HS6ST3: variants seen among roughly 807,000 people sequenced by gnomAD.
HS6ST3 encodes the protein heparan-sulfate 6-O-sulfotransferase 3.
In HS6ST3, 12 loss-of-function variants were observed where a neutral mutation model predicts 36.7. The ratio of observed to expected loss-of-function variants is 0.33; its 90% CI spans 0.21 to 0.53. HS6ST3 has a LOEUF of 0.53. Ranked by LOEUF, HS6ST3 falls within the 20% of genes least tolerant of loss-of-function variation. The pLI is 0.95. For missense variants in HS6ST3, 584 were observed against 640.9 expected, an observed-to-expected ratio of 0.91 and a Z score of 0.96; for synonymous variants, 240 against 257.5, an observed-to-expected ratio of 0.93 and a Z score of 0.65.
chr13:96,698,487 A>G (rs905642216), intron 1 of HS6ST3, among the ~76,000 whole-genome samples: 1 of 152,198 alleles, frequency 6.6e-6, no homozygotes, highest in Admixed American at 6.5e-5. Flanking sequence ...GAGCCAAATC[A>G]TGAGTGAACT....
chr13:96,433,073 G>A (rs908160176), intron 1 of HS6ST3, among the ~76,000 whole-genome samples: 3 of 152,072 alleles, frequency 2.0e-5, no homozygotes. Flanking sequence ...AACCAAATTT[G>A]TTCTTTTAAA....
At chr13:96,476,257 G>T (rs962616298) in intron 1 of HS6ST3, among the ~76,000 whole-genome samples, 1 of 152,080 alleles carries the variant, frequency 6.6e-6, no homozygotes, top group African/African-American at 2.4e-5. Flanking sequence ...AATTTTTTTT[G>T]ACAGATGCTA....
At chr13:96,230,075 TA>T (rs1190134763) in intron 1 of HS6ST3, among the ~76,000 whole-genome samples, 1 of 152,168 alleles carries the variant, frequency 6.6e-6, no homozygotes, top group East Asian at 1.9e-4. Context: ...AAGATGAGTC[TA>T]AAAGAGCATC....
chr13:96,668,549 G>A (rs770395909), intron 1 of HS6ST3, among the ~76,000 whole-genome samples: 15 of 151,988 alleles, frequency 9.9e-5, no homozygotes, highest in African/African-American at 3.6e-4. Flanking sequence ...AGCTACTGTC[G>A]CTGCTACATT....
intron 1 of HS6ST3, among the ~76,000 whole-genome samples, chr13:96,775,524 A>G (rs965785922): frequency 6.6e-6 from 1 of 152,104 alleles, no homozygotes; most frequent in Non-Finnish European, 1.5e-5. Context: ...AGAAAAAAAA[A>G]AAAAGCAGGG....
At chr13:96,447,626 G>A in intron 1 of HS6ST3, among the ~76,000 whole-genome samples, 1 of 152,112 alleles carries the variant, frequency 6.6e-6, no homozygotes, top group Non-Finnish European at 1.5e-5. Context: ...ATATCCCCAC[G>A]TGTGTAGAAC....
chr13:96,600,831 C>CT lies in HS6ST3; in HGVS notation c.708-231655dup, dbSNP rs140627903. 9.3e-3 allele frequency among the ~76,000 whole-genome samples: 1,419 copies of CT among 152,076 alleles called. 28 individuals are homozygous for CT. The highest frequency in any genetic ancestry group is 0.032 in the African/African-American group (1,321 of 41,468). ...GACCTTGTTTCTATATTTAGAACTC[C>CT]TTTTAGCATTTCTTATCAGGCTGGT... On this transcript the variant is annotated intron_variant, in intron 1 of 1. Coordinates refer to ENST00000376705, the MANE Select transcript of HS6ST3 (RefSeq NM_153456.4).
At chr13:96,201,701 A>G (rs555916466) in intron 1 of HS6ST3, among the ~76,000 whole-genome samples, 4 of 152,334 alleles carry the variant, frequency 2.6e-5, no homozygotes, top group East Asian at 1.9e-4. Flanking sequence ...AGCAAGTACC[A>G]TGTGAGAATT....
At chr13:96,361,306 C>T (rs1299525554) in intron 1 of HS6ST3, among the ~76,000 whole-genome samples, 1 of 152,146 alleles carries the variant, frequency 6.6e-6, no homozygotes, top group Non-Finnish European at 1.5e-5. Context: ...TATCACAGTG[C>T]TCTGTTGAGC....
chr13:96,601,281 C>G (rs1306551296), intron 1 of HS6ST3, among the ~76,000 whole-genome samples: 3 of 151,982 alleles, frequency 2.0e-5, no homozygotes, highest in African/African-American at 4.8e-5. Context: ...TTAACTTTTT[C>G]TTCTCCCTCA....
chr13:96,494,636 A>G (rs955548175), intron 1 of HS6ST3, among the ~76,000 whole-genome samples: 2 of 151,980 alleles, frequency 1.3e-5, no homozygotes, highest in Non-Finnish European at 2.9e-5. Flanking sequence ...TCCAATAGAA[A>G]ATTTGAAACA....
chr13:96,241,910 C>T (rs143692429), intron 1 of HS6ST3, among the ~76,000 whole-genome samples: 3 of 151,118 alleles, frequency 2.0e-5, no homozygotes, highest in South Asian at 2.1e-4. Context: ...CTCAGCCTCC[C>T]GAGTAGCTGG....
intron 1 of HS6ST3, among the ~76,000 whole-genome samples, chr13:96,636,129 G>C (rs1360087361): frequency 6.6e-6 from 1 of 152,108 alleles, no homozygotes; most frequent in Admixed American, 6.6e-5. Context: ...CTTTCATCTG[G>C]CTTCTGCAAG....
At chr13:96,463,329 A>G (rs1037406389) in intron 1 of HS6ST3, among the ~76,000 whole-genome samples, 1 of 152,160 alleles carries the variant, frequency 6.6e-6, no homozygotes, top group Non-Finnish European at 1.5e-5. Context: ...AAATATTAAA[A>G]CTTAATTTAT....
At chr13:96,635,899 A>G (rs745388862) in intron 1 of HS6ST3, among the ~76,000 whole-genome samples, 7 of 152,176 alleles carry the variant, frequency 4.6e-5, no homozygotes, top group Non-Finnish European at 1.0e-4. Context: ...CGCAGGGTAT[A>G]GAAACCACCA....
At chr13:96,271,525 G>A (rs2054720124) in intron 1 of HS6ST3, among the ~76,000 whole-genome samples, 1 of 151,852 alleles carries the variant, frequency 6.6e-6, no homozygotes, top group Non-Finnish European at 1.5e-5. Flanking sequence ...TAAAGGCAGG[G>A]ACTGTTCTTG....
chr13:96,526,913 A>T (rs1200488087), intron 1 of HS6ST3, among the ~76,000 whole-genome samples: 1 of 152,188 alleles, frequency 6.6e-6, no homozygotes, highest in East Asian at 1.9e-4. Context: ...TCAAAGATTT[A>T]GTAAGAAAGG....
chr13:96,157,778 A>C (rs559372751), intron 1 of HS6ST3, among the ~76,000 whole-genome samples: 1 of 152,224 alleles, frequency 6.6e-6, no homozygotes, highest in South Asian at 2.1e-4. Context: ...AAGAGGACTC[A>C]AAAAGTGACT....
intron 1 of HS6ST3, among the ~76,000 whole-genome samples, chr13:96,290,461 G>A (rs892836771): frequency 2.0e-5 from 3 of 152,134 alleles, no homozygotes; most frequent in African/African-American, 7.2e-5. Flanking sequence ...TGACCACCTC[G>A]GTAGATTTAA....
Sources: allele counts gnomAD v4.1 joint callset (sites outside exome capture counted in the v4.1 genomes callset), GRCh38; gene constraint gnomAD v4.1.1; transcripts MANE v1.5; gene names NCBI Gene and HGNC (gene_info 2026-07-23, HGNC 2026-07-21).